Variants in SNTN observed in about 807,000 individuals in gnomAD.
SNTN encodes sentan.
SNTN carries 13 observed loss-of-function variants against 12.3 expected under a neutral mutation model. The observed-to-expected ratio is 1.05, with a 90% CI of 0.69 to 1.67. The LOEUF is 1.67. SNTN is among the 40% of genes most tolerant of loss of function. The probability of loss-of-function intolerance (pLI) is 0.00; values close to 1 mark genes in which losing one functional copy is unlikely to be tolerated. For missense variants in SNTN, 189 were observed against 169.8 expected (o/e 1.11, Z -0.63); for synonymous variants, 69 against 58.5 (o/e 1.18, Z -0.82).
chr3:63,664,176 ATATATC>A lies in SNTN; in HGVS notation c.*85_*90del. 1 of 1,346,116 alleles carries A rather than the reference ATATATC, an allele frequency of 7.4e-7. No individual in the cohort carries two copies. Among genetic ancestry groups the A allele is most frequent in the South Asian group, 1.5e-5 (1 of 66,096 alleles). 83.4% of individuals were successfully genotyped at this position (1,346,116 alleles called of 1,614,324 possible). A position where few individuals can be genotyped will look rare whatever the true frequency, so the allele number is the denominator to read the frequency against. On this transcript the variant is annotated 3_prime_UTR_variant, in exon 4 of 4. Transcript: ENST00000343837. ...TTCCATCTTATTTTTGATTAATTGA[ATATATC>A]TATCATGCATCTGAAATTGCCTAGG...
Position 63,663,980 on chromosome 3 carries a change from T to C in SNTN, c.329T>C (p.Leu110Pro). ...KPKYREILSE[L>P]DEHTENKLDF... Reference sequence around the variant, plus strand: ...AAATACAGAGAGATCCTTTCTGAACTTGATGAGCACACAGAAAATAAGCTA... The same window carrying C: ...AAATACAGAGAGATCCTTTCTGAACCTGATGAGCACACAGAAAATAAGCTA... The change falls in exon 4 of 4, where the codon CTT (leucine) becomes CCT (proline). Residue 110 changes from leucine to proline, a missense_variant. By Grantham distance (98) the Leu-to-Pro change is moderately conservative. Coordinates refer to ENST00000343837, the MANE Select transcript of SNTN (RefSeq NM_001080537.2). 1 of 1,613,862 alleles carries C rather than the reference T, an allele frequency of 6.2e-7. No individual in the cohort carries two copies. The highest frequency in any genetic ancestry group is 8.5e-7 in the Non-Finnish European group (1 of 1,179,964).
chr3:63,657,350 G>T (rs533002934), intron 2 of SNTN, among the ~76,000 whole-genome samples: 1 of 152,134 alleles, frequency 6.6e-6, no homozygotes, highest in Non-Finnish European at 1.5e-5. Flanking sequence ...GCAGTCCCTT[G>T]TGTTTTCAGT....
rs186352507 is a variant in SNTN, at chr3:63,655,231, G to T, written c.145+435G>T. Among the ~76,000 whole-genome samples the T allele has an allele frequency of 1.1e-3, 170 of 152,166 alleles. 1 individual carries two copies. Among genetic ancestry groups the T allele is most frequent in the African/African-American group, 3.8e-3 (159 of 41,524 alleles). On this transcript the variant is annotated intron_variant, in intron 2 of 3. Transcript: ENST00000343837. ...GCCACCTCTCGAAGTGTAAATATTT[G>T]CCCCTGGAAATCAATTGCATAGGTA...
chr3:63,658,691 C>T (rs1430118030), intron 2 of SNTN, among the ~76,000 whole-genome samples: 2 of 152,070 alleles, frequency 1.3e-5, no homozygotes, highest in Non-Finnish European at 2.9e-5. Context: ...GCATGAGATC[C>T]AGTGCCTGGC....
chr3:63,655,277 A>G (rs988347213), intron 2 of SNTN, among the ~76,000 whole-genome samples: 1 of 152,180 alleles, frequency 6.6e-6, no homozygotes, highest in African/African-American at 2.4e-5. Flanking sequence ...GGGACTAACA[A>G]CATTGCCATG....
intron 3 of SNTN, 48 bp from the exon 4 acceptor site, chr3:63,663,889 C>T (rs1379534747): frequency 6.3e-7 from 1 of 1,584,176 alleles, no homozygotes; most frequent in East Asian, 2.2e-5. Flanking sequence ...GATCTGTAAA[C>T]CTAAAGTCTA....
intron 2 of SNTN, among the ~76,000 whole-genome samples, chr3:63,659,320 A>G (rs1700716541): frequency 6.6e-6 from 1 of 152,228 alleles, no homozygotes; most frequent in African/African-American, 2.4e-5. Context: ...GACACAGAAT[A>G]TAAATTCCAC....
chr3:63,659,274 T>C (rs1700716320), intron 2 of SNTN, among the ~76,000 whole-genome samples: 1 of 152,212 alleles, frequency 6.6e-6, no homozygotes, highest in Non-Finnish European at 1.5e-5. Context: ...AAAGTCATTC[T>C]CCTTTCTCAT....
At chr3:63,654,548 T>C (rs1700654762) in intron 1 of SNTN, among the ~76,000 whole-genome samples, 1 of 152,214 alleles carries the variant, frequency 6.6e-6, no homozygotes, top group Non-Finnish European at 1.5e-5. Context: ...GGAAGACTGA[T>C]ATACGTGGGT....
rs1700777130 is a variant in SNTN at position 63,664,234 on chromosome 3, C to G, written c.*139C>G. On this transcript the variant is annotated 3_prime_UTR_variant, in exon 4 of 4. Coordinates refer to ENST00000343837, the MANE Select transcript of SNTN (RefSeq NM_001080537.2). ...TGGTTCTGATTGCTGGTATTCAGAT[C>G]CAATGTAACTCCAAATATTTACCCA... is the stretch of plus-strand genomic sequence containing the variant. 5.4e-6 allele frequency: 4 copies of G among 734,282 alleles called. No individual in the cohort carries two copies. The highest frequency in any genetic ancestry group is 8.6e-6 in the Non-Finnish European group (4 of 463,988). The allele number at this position is 734,282 out of a possible 1,614,324, so 45.5% of individuals were successfully genotyped here. A position where few individuals can be genotyped will look rare whatever the true frequency, so the allele number is the denominator to read the frequency against.
intron 1 of SNTN, among the ~76,000 whole-genome samples, chr3:63,653,311 G>C (rs1477210452): frequency 6.6e-6 from 1 of 151,988 alleles, no homozygotes; most frequent in Non-Finnish European, 1.5e-5. Flanking sequence ...ACAGACCCTT[G>C]AGACCCTTCT....
chr3:63,654,700 T>C, intron 1 of SNTN, 62 bp from the exon 2 acceptor site: 1 of 1,418,268 alleles, frequency 7.1e-7, no homozygotes, highest in Non-Finnish European at 9.9e-7. Context: ...TGCTCTGCTA[T>C]AGATGCTGAT....
chr3:63,657,906 G>A (rs1700700496), intron 2 of SNTN, among the ~76,000 whole-genome samples: 2 of 152,156 alleles, frequency 1.3e-5, no homozygotes, highest in South Asian at 4.1e-4. Context: ...AATAAAAACT[G>A]AGAAGGCCCA....
chr3:63,658,296 C>T (rs1156753392), intron 2 of SNTN, among the ~76,000 whole-genome samples: 5 of 151,800 alleles, frequency 3.3e-5, no homozygotes, highest in Non-Finnish European at 4.4e-5. Flanking sequence ...AATCTACTCA[C>T]GGAGGCCTTC....
In SNTN at chr3:63,664,155, A is replaced by C; in HGVS notation, c.*60A>C. On this transcript the variant is annotated 3_prime_UTR_variant, in exon 4 of 4. Transcript: ENST00000343837. ...AAGACAGTGTTATTAAAATGTTTCC[A>C]TCTTATTTTTGATTAATTGAATATA... 6.9e-7 allele frequency: 1 copy of C among 1,453,194 alleles called. No homozygotes were observed. The highest frequency in any genetic ancestry group is 9.2e-7 in the Non-Finnish European group (1 of 1,086,006). 90.0% of individuals were successfully genotyped at this position (1,453,194 alleles called of 1,614,324 possible).
At chr3:63,655,579 G>C (rs912734855) in intron 2 of SNTN, among the ~76,000 whole-genome samples, 1 of 152,094 alleles carries the variant, frequency 6.6e-6, no homozygotes, top group African/African-American at 2.4e-5. Flanking sequence ...CCCATCACAT[G>C]TCTAACATAA....
chr3:63,655,868 C>T (rs1700673869), intron 2 of SNTN, among the ~76,000 whole-genome samples: 1 of 152,222 alleles, frequency 6.6e-6, no homozygotes, highest in Admixed American at 6.5e-5. Flanking sequence ...CTGCTGGCTA[C>T]TTGGGCCTAT....
intron 2 of SNTN, among the ~76,000 whole-genome samples, chr3:63,658,822 T>G (rs1168088117): frequency 6.6e-6 from 1 of 152,202 alleles, no homozygotes; most frequent in Non-Finnish European, 1.5e-5. Context: ...TTGTTGCACA[T>G]TACCTGGACT....
intron 3 of SNTN, among the ~76,000 whole-genome samples, chr3:63,662,322 C>T (rs375433310): frequency 9.2e-5 from 14 of 152,274 alleles, no homozygotes; most frequent in Middle Eastern, 3.4e-3. Context: ...GTTCTTTTGG[C>T]GAAGGCCTGA....
Sources: gnomAD v4.1 joint callset for allele counts (sites outside exome capture counted in the v4.1 genomes callset) on GRCh38, gnomAD v4.1.1 for gene constraint, MANE v1.5 for transcripts, NCBI Gene and HGNC (gene_info 2026-07-23, HGNC 2026-07-21) for gene names.